Variants in DCP2 observed in about 807,000 individuals in gnomAD.
DCP2 encodes m7GpppN-mRNA hydrolase.
DCP2 carries 30 observed loss-of-function variants against 56.1 expected under a neutral mutation model. The ratio of observed to expected loss-of-function variants is 0.53; its 90% CI spans 0.40 to 0.73. The LOEUF is 0.73. Among genes scored for constraint, DCP2 ranks in the 30% least tolerant of loss-of-function variants. The probability of loss-of-function intolerance (pLI) is 0.00; values close to 1 mark genes in which losing one functional copy is unlikely to be tolerated. For missense variants in DCP2, 533 were observed against 502.7 expected (o/e 1.06, Z -0.58); for synonymous variants, 197 against 163.3 (o/e 1.21, Z -1.57).
chr5:113,017,838 A>G lies in DCP2; in HGVS notation c.*4354A>G. On this transcript the variant is annotated 3_prime_UTR_variant, in exon 11 of 11. Transcript: ENST00000389063. ...TATATATATGAATATCTATATCTAT[A>G]TCTATACATATATATGTATCGCCAT... The G allele has an allele frequency of 6.6e-6, 1 of 152,312 alleles. No homozygotes were observed. Among genetic ancestry groups the G allele is most frequent in the East Asian group, 1.9e-4 (1 of 5,188 alleles). 9.4% of individuals were successfully genotyped at this position (152,312 alleles called of 1,614,324 possible).
At chr5:113,000,805 A>C (rs907176442) in intron 4 of DCP2, among the ~76,000 whole-genome samples, 7 of 152,178 alleles carry the variant, frequency 4.6e-5, no homozygotes, top group Non-Finnish European at 1.0e-4. Flanking sequence ...TTATTCTGGG[A>C]AAGATATATA....
At chr5:112,988,494 TAAAAAAAAAA>T (rs368124032) in intron 2 of DCP2, among the ~76,000 whole-genome samples, 1 of 82,452 alleles carries the variant, frequency 1.2e-5, no homozygotes, top group Non-Finnish European at 2.2e-5. Flanking sequence ...TGTGTCTTAA[TAAAAAAAAAA>T]AAAAAAAAAA....
At chr5:112,981,668 G>T (rs540462608) in intron 1 of DCP2, among the ~76,000 whole-genome samples, 1 of 152,142 alleles carries the variant, frequency 6.6e-6, no homozygotes, top group Non-Finnish European at 1.5e-5. Flanking sequence ...TGAATTCTCC[G>T]TTCTTATATC....
chr5:113,021,386 CAAAAA>C lies in DCP2; in HGVS notation c.*7916_*7920del, dbSNP rs61532290. ...CTGTCTGGAAAAAACAAAAAACAAC[CAAAAA>C]AAAAAAAAAAAAACCCCCAGGAAGA... On this transcript the variant is annotated 3_prime_UTR_variant, in exon 11 of 11. Transcript: ENST00000389063. 9.5e-6 allele frequency among the ~76,000 whole-genome samples: 1 copy of C among 105,570 alleles called. No homozygotes were observed. The allele number at this position is 105,570 out of a possible 152,430, so 69.3% of individuals were successfully genotyped here.
chr5:112,977,388 G>T (rs1240806971), intron 1 of DCP2, among the ~76,000 whole-genome samples: 3 of 151,948 alleles, frequency 2.0e-5, no homozygotes, highest in Non-Finnish European at 4.4e-5. Flanking sequence ...CTCATTCCCC[G>T]ATTCTGAAGG....
intron 10 of DCP2, among the ~76,000 whole-genome samples, chr5:113,011,757 C>T (rs903521050): frequency 7.9e-5 from 12 of 152,048 alleles, no homozygotes; most frequent in African/African-American, 1.2e-4. Context: ...TGTGCTTTTG[C>T]GGTCATATCC....
At position 113,017,742 on chromosome 5, in the gene DCP2, C is replaced by A. The variant is rs1749947103; in HGVS notation, c.*4258C>A. On this transcript the variant is annotated 3_prime_UTR_variant, in exon 11 of 11. Coordinates refer to ENST00000389063, the MANE Select transcript of DCP2 (RefSeq NM_152624.6). ...AAGAAAGAAACTTTAGAGCATTTAT[C>A]AATACTTGAGTGCTTTATTATGTTC... is the stretch of plus-strand genomic sequence containing the variant. 1 of 152,132 alleles carries A rather than the reference C, an allele frequency of 6.6e-6. No individual in the cohort carries two copies. The highest frequency in any genetic ancestry group is 2.4e-5 in the African/African-American group (1 of 41,434). 9.4% of individuals were successfully genotyped at this position (152,132 alleles called of 1,614,324 possible).
intron 2 of DCP2, among the ~76,000 whole-genome samples, chr5:112,990,683 C>T (rs1224092227): frequency 1.3e-5 from 2 of 152,156 alleles, no homozygotes; most frequent in Non-Finnish European, 2.9e-5. Flanking sequence ...CTCAAGCATT[C>T]CTCCTGCTTT....
At chr5:113,003,766 G>A (rs1287245089) in intron 7 of DCP2, among the ~76,000 whole-genome samples, 176 bp from the exon 8 acceptor site, 1 of 152,178 alleles carries the variant, frequency 6.6e-6, no homozygotes, top group East Asian at 1.9e-4. Flanking sequence ...ACTCATCTGG[G>A]TGATGAGGAT....
chr5:112,981,632 T>C (rs1748010475), intron 1 of DCP2, among the ~76,000 whole-genome samples: 1 of 152,228 alleles, frequency 6.6e-6, no homozygotes, highest in African/African-American at 2.4e-5. Context: ...AGGAGCCCTT[T>C]GTAAGTGTCT....
chr5:112,988,307 C>T (rs1390216758), intron 2 of DCP2, among the ~76,000 whole-genome samples: 10 of 141,882 alleles, frequency 7.0e-5, no homozygotes, highest in African/African-American at 1.8e-4. Context: ...ACAGTAAAAC[C>T]CCGTCTCTAC....
chr5:113,003,694 C>A (rs1749284035), intron 7 of DCP2, among the ~76,000 whole-genome samples: 1 of 147,048 alleles, frequency 6.8e-6, no homozygotes. Context: ...TTTTTTAAGT[C>A]TAGGATGAAA....
chr5:112,981,632 TGTAA>T (rs899657906), intron 1 of DCP2, among the ~76,000 whole-genome samples: 35 of 152,346 alleles, frequency 2.3e-4, no homozygotes, highest in African/African-American at 7.9e-4. Flanking sequence ...AGGAGCCCTT[TGTAA>T]GTGTCTTGCA....
rs1032231710 is a variant in DCP2, at chr5:113,017,805, G to A, written c.*4321G>A. The A allele has an allele frequency of 3.3e-5, 5 of 152,200 alleles. No individual in the cohort carries two copies. Among genetic ancestry groups the A allele is most frequent in the Non-Finnish European group, 7.4e-5 (5 of 68,026 alleles). 9.4% of individuals were successfully genotyped at this position (152,200 alleles called of 1,614,324 possible). ...GTGATCATTGCATGGCCTAAGTGTA[G>A]TCATTCATATATATATGAATATCTA... is the stretch of plus-strand genomic sequence containing the variant. On this transcript the variant is annotated 3_prime_UTR_variant, in exon 11 of 11. Coordinates refer to ENST00000389063, the MANE Select transcript of DCP2 (RefSeq NM_152624.6).
chr5:113,005,939 C>T (rs961501809), intron 8 of DCP2, among the ~76,000 whole-genome samples: 3 of 151,998 alleles, frequency 2.0e-5, no homozygotes, highest in Admixed American at 1.3e-4. Context: ...TCGAGACCCA[C>T]CTGGGCAGCA....
At chr5:113,000,973 T>C (rs1340074420) in intron 4 of DCP2, 111 bp from the exon 5 acceptor site, 3 of 1,074,270 alleles carry the variant, frequency 2.8e-6, no homozygotes, top group Non-Finnish European at 3.9e-6. Context: ...CTAGAAATAG[T>C]AAATACAAGT....
Position 112,992,785 on chromosome 5 carries a change from T to C in DCP2, c.432+15T>C. On this transcript the variant is annotated intron_variant, in intron 4 of 10. Transcript: ENST00000389063. ...CTGCTAGAGAGGTAAGTTATTCCATTTTGATACACAGTAAATTTGGCTATT... is the reference window on the plus strand; with the variant it reads ...CTGCTAGAGAGGTAAGTTATTCCATCTTGATACACAGTAAATTTGGCTATT... The C allele has an allele frequency of 1.3e-6, 2 of 1,550,318 alleles. No individual in the cohort carries two copies. Among genetic ancestry groups the C allele is most frequent in the South Asian group, 1.2e-5 (1 of 80,148 alleles).
chr5:112,984,699 A>ATATATATATATATATATATATATATATAT (rs377520502), intron 1 of DCP2: 27 of 78,438 alleles, frequency 3.4e-4, no homozygotes, highest in African/African-American at 8.4e-4. Context: ...AAAAAAAAAA[A>ATATATATATATATATATATATATATATAT]AAAAATATAT....
chr5:113,001,487 G>A lies in DCP2; in HGVS notation c.698+18G>A, dbSNP rs776748142. 12 of 1,610,300 alleles carry A rather than the reference G, an allele frequency of 7.5e-6. No individual in the cohort carries two copies. The highest frequency in any genetic ancestry group is 2.2e-5 in the East Asian group (1 of 44,862). Reference sequence around the variant, plus strand: ...TTTATCAGGTGTGTTCATATTTCTTGAAATGTAACTTTCATGATTGGGATA... The same window carrying A: ...TTTATCAGGTGTGTTCATATTTCTTAAAATGTAACTTTCATGATTGGGATA... On this transcript the variant is annotated intron_variant, in intron 6 of 10. Transcript: ENST00000389063.
Sources: allele counts gnomAD v4.1 joint callset (sites outside exome capture counted in the v4.1 genomes callset), GRCh38; gene constraint gnomAD v4.1.1; transcripts MANE v1.5; gene names NCBI Gene and HGNC (gene_info 2026-07-23, HGNC 2026-07-21).